The following B3GAT2 variants were observed in gnomAD, a reference collection of about 807,000 sequenced individuals.
B3GAT2 encodes the protein galactosylgalactosylxylosylprotein 3-beta-glucuronosyltransferase 2.
B3GAT2 carries 26 observed loss-of-function variants against 27.8 expected under a neutral mutation model. The observed-to-expected ratio is 0.93, with a 90% CI of 0.68 to 1.30. The LOEUF (loss-of-function observed/expected upper bound fraction) is 1.30, where lower values mean the gene tolerates loss of function less well. Among genes scored for constraint, B3GAT2 ranks in the 50% most tolerant of loss-of-function variants. The pLI, the probability that B3GAT2 is intolerant of heterozygous loss-of-function variation, is 0.00. For synonymous variants in B3GAT2, 218 were observed against 195.1 expected (o/e 1.12, Z -0.98); for missense variants, 458 against 459.0 (o/e 1.00, Z 0.02).
intron 2 of B3GAT2, among the ~76,000 whole-genome samples, chr6:70,889,760 T>C (rs1410955353): frequency 1.3e-5 from 2 of 148,664 alleles, no homozygotes; most frequent in African/African-American, 2.5e-5. Context: ...ATCAAATCTC[T>C]CCCCCTCTGC....
rs1279855811 is a variant in B3GAT2 at position 70,860,466 on chromosome 6, T to C, written c.*1197A>G. On this transcript the variant is annotated 3_prime_UTR_variant, in exon 4 of 4. Coordinates refer to ENST00000230053, the MANE Select transcript of B3GAT2 (RefSeq NM_080742.3). ...TTGTTCATATTAAGAATGATCTGAT[T>C]GACCGTGTTGGTCTGTACTGATTCA... is the stretch of plus-strand genomic sequence containing the variant. The C allele has an allele frequency of 2.3e-5, 25 of 1,107,552 alleles. No homozygotes were observed. Among genetic ancestry groups the C allele is most frequent in the Non-Finnish European group, 2.9e-5 (23 of 795,646 alleles). 68.6% of individuals were successfully genotyped at this position (1,107,552 alleles called of 1,614,324 possible).
rs1771716529 is a variant in B3GAT2, at chr6:70,861,319, T to G, written c.*344A>C. On this transcript the variant is annotated 3_prime_UTR_variant, in exon 4 of 4. Transcript: ENST00000230053. ...AAACCTGTTCAAGTCTACCAACCTG[T>G]TCAAGTCTACCAATTATAAGGGCAA... 1 of 220,528 alleles carries G rather than the reference T, an allele frequency of 4.5e-6. No individual in the cohort carries two copies. The highest frequency in any genetic ancestry group is 9.1e-6 in the Non-Finnish European group (1 of 109,578). 13.7% of individuals were successfully genotyped at this position (220,528 alleles called of 1,614,324 possible).
chr6:70,878,492 C>G (rs1772049589), intron 2 of B3GAT2, among the ~76,000 whole-genome samples: 1 of 152,116 alleles, frequency 6.6e-6, no homozygotes, highest in African/African-American at 2.4e-5. Context: ...GTTGTCTGTC[C>G]TTCCTTAGGA....
At chr6:70,864,750 C>T (rs1350399941) in intron 2 of B3GAT2, among the ~76,000 whole-genome samples, 1 of 152,176 alleles carries the variant, frequency 6.6e-6, no homozygotes. Context: ...TCTGAAATCA[C>T]AGTAAAGGGA....
intron 1 of B3GAT2, among the ~76,000 whole-genome samples, chr6:70,954,277 G>A (rs1196914028): frequency 1.3e-5 from 2 of 152,172 alleles, no homozygotes; most frequent in East Asian, 3.8e-4. Context: ...AAAAACGTCA[G>A]ATGGTATCTC....
chr6:70,887,546 G>T (rs1313693667), intron 2 of B3GAT2, among the ~76,000 whole-genome samples: 2 of 152,164 alleles, frequency 1.3e-5, no homozygotes, highest in African/African-American at 2.4e-5. Flanking sequence ...GGAAACCTGG[G>T]GCTGGGATTG....
intron 2 of B3GAT2, among the ~76,000 whole-genome samples, chr6:70,864,896 G>A (rs527957364): frequency 6.5e-4 from 99 of 151,958 alleles, no homozygotes; most frequent in African/African-American, 2.2e-3. Flanking sequence ...AGATGCTTAC[G>A]AAAGTCATGG....
In B3GAT2 at chr6:70,956,552, GC is replaced by G; in HGVS notation, c.-124del. The G allele has an allele frequency of 6.7e-7, 1 of 1,493,176 alleles. No individual in the cohort carries two copies. Among genetic ancestry groups the G allele is most frequent in the Non-Finnish European group, 8.9e-7 (1 of 1,125,292 alleles). 92.5% of individuals were successfully genotyped at this position (1,493,176 alleles called of 1,614,324 possible). On this transcript the variant is annotated 5_prime_UTR_variant, in exon 1 of 4. Coordinates refer to ENST00000230053, the MANE Select transcript of B3GAT2 (RefSeq NM_080742.3). The stretch of plus-strand genomic sequence containing the variant: ...TGGTGATGGGTGCGCTGTCCATGGG[GC>G]CGAGGGCGCTGCAGAGACCTGGAGC...
chr6:70,947,893 G>C (rs971650748), intron 1 of B3GAT2, among the ~76,000 whole-genome samples: 9 of 151,980 alleles, frequency 5.9e-5, no homozygotes, highest in African/African-American at 2.2e-4. Flanking sequence ...TGATCAAGTG[G>C]ACTTCATCCC....
At chr6:70,939,705 A>ATG (rs1381207313) in intron 1 of B3GAT2, among the ~76,000 whole-genome samples, 21 of 148,310 alleles carry the variant, frequency 1.4e-4, no homozygotes, top group Admixed American at 2.7e-4. Context: ...ATGAGAACAC[A>ATG]GACACAGGAA....
At position 70,860,619 on chromosome 6, in the gene B3GAT2, C is replaced by A; in HGVS notation, c.*1044G>T. The A allele has an allele frequency of 2.3e-6, 1 of 432,330 alleles. No homozygotes were observed. Among genetic ancestry groups the A allele is most frequent in the South Asian group, 7.7e-5 (1 of 12,988 alleles). The allele number at this position is 432,330 out of a possible 1,614,324, so 26.8% of individuals were successfully genotyped here. A position where few individuals can be genotyped will look rare whatever the true frequency, so the allele number is the denominator to read the frequency against. On this transcript the variant is annotated 3_prime_UTR_variant, in exon 4 of 4. Coordinates refer to ENST00000230053, the MANE Select transcript of B3GAT2 (RefSeq NM_080742.3). ...CAACTTGCAAAATCAGTTTTCCTCT[C>A]AATAAAATTATAGCTCTAATGTTTG...
chr6:70,876,150 C>G (rs181468672), intron 2 of B3GAT2, among the ~76,000 whole-genome samples: 24 of 152,206 alleles, frequency 1.6e-4, no homozygotes, highest in African/African-American at 5.8e-4. Flanking sequence ...GGTAAGAGGC[C>G]ATGGTACTAC....
chr6:70,895,142 G>A (rs561582356), intron 1 of B3GAT2, among the ~76,000 whole-genome samples: 1 of 152,302 alleles, frequency 6.6e-6, no homozygotes, highest in African/African-American at 2.4e-5. Flanking sequence ...CAAAGTACAA[G>A]CTGGACTTAA....
chr6:70,952,111 A>T (rs937436025), intron 1 of B3GAT2, among the ~76,000 whole-genome samples: 1 of 152,188 alleles, frequency 6.6e-6, no homozygotes, highest in African/African-American at 2.4e-5. Context: ...AAAAAGCAAG[A>T]CAGAATTAAT....
At chr6:70,881,202 C>G (rs1203752828) in intron 2 of B3GAT2, among the ~76,000 whole-genome samples, 1 of 152,196 alleles carries the variant, frequency 6.6e-6, no homozygotes, top group African/African-American at 2.4e-5. Context: ...CACCCTCTCA[C>G]ATGAGGTTAT....
intron 2 of B3GAT2, among the ~76,000 whole-genome samples, chr6:70,872,866 C>T (rs1771959732): frequency 6.6e-6 from 1 of 151,696 alleles, no homozygotes; most frequent in East Asian, 1.9e-4. Context: ...TAGAGGTTGC[C>T]ATGGGGATTA....
chr6:70,900,158 T>C (rs547807091), intron 1 of B3GAT2, among the ~76,000 whole-genome samples: 3 of 152,358 alleles, frequency 2.0e-5, no homozygotes, highest in South Asian at 2.1e-4. Context: ...AACCTCCAGC[T>C]AAATGGACAG....
At position 70,949,365 on chromosome 6, in the gene B3GAT2, AC is replaced by A. The variant is rs1484821723; in HGVS notation, c.591+6473del. On this transcript the variant is annotated intron_variant, in intron 1 of 3. Transcript: ENST00000230053. Reference sequence around the variant, plus strand: ...AACTCAAACAAATTTACAAGAAAAAACAAACAACCCCATCAACAAGTGGGTG... The same window carrying A: ...AACTCAAACAAATTTACAAGAAAAAAAAACAACCCCATCAACAAGTGGGTG... 2.0e-5 allele frequency among the ~76,000 whole-genome samples: 3 copies of A among 152,342 alleles called. No individual in the cohort carries two copies. The East Asian group carries it at 5.8e-4, about 29-fold the overall frequency.
intron 2 of B3GAT2, among the ~76,000 whole-genome samples, chr6:70,877,702 C>T (rs1772036705): frequency 6.6e-6 from 1 of 152,190 alleles, no homozygotes; most frequent in Non-Finnish European, 1.5e-5. Context: ...GCTCAAGGCA[C>T]CTGCCTGTAA....
Sources: gnomAD v4.1 joint callset for allele counts (sites outside exome capture counted in the v4.1 genomes callset) on GRCh38, gnomAD v4.1.1 for gene constraint, MANE v1.5 for transcripts, NCBI Gene and HGNC (gene_info 2026-07-23, HGNC 2026-07-21) for gene names.